The following LRCH2 variants were observed in gnomAD, a reference collection of about 807,000 sequenced individuals.
LRCH2 encodes leucine rich repeats and calponin homology domain containing 2, also known as leucine-rich repeat and calponin homology domain-containing protein 2.
A neutral mutation model predicts 68.9 loss-of-function variants in LRCH2; 38 were observed. The observed-to-expected ratio is 0.55, with a 90% CI of 0.43 to 0.72. The LOEUF is 0.72. Among genes scored for constraint, LRCH2 ranks in the 30% least tolerant of loss-of-function variants. The probability of loss-of-function intolerance (pLI) is 0.00; values close to 1 mark genes in which losing one functional copy is unlikely to be tolerated. For synonymous variants in LRCH2, 191 were observed against 208.1 expected, an observed-to-expected ratio of 0.92 and a Z score of 0.71; for missense variants, 528 against 572.9, an observed-to-expected ratio of 0.92 and a Z score of 0.80.
chrX:115,190,738 G>A (rs2072794757), intron 1 of LRCH2: 21 of 1,164,616 alleles, frequency 1.8e-5, no homozygotes, highest in Non-Finnish European at 2.4e-5. Flanking sequence ...CTCACACGAG[G>A]CCCGCAGCGG....
chrX:115,213,887 C>A (rs782717162), intron 1 of LRCH2, among the ~76,000 whole-genome samples: 4 of 111,636 alleles, frequency 3.6e-5, no homozygotes, highest in African/African-American at 1.3e-4. Context: ...CTGCAACAAC[C>A]TAAAATCCCT....
chrX:115,205,699 G>A lies in LRCH2; in HGVS notation c.350-17329C>T, dbSNP rs192648478. On this transcript the variant is annotated intron_variant, in intron 1 of 20. Transcript: ENST00000317135. Reference sequence around the variant, plus strand: ...CACGCCTGTAATCCCAGCACTTTGGGAGGCCGAGGCAGGTGAATCACAAGG... The same window carrying A: ...CACGCCTGTAATCCCAGCACTTTGGAAGGCCGAGGCAGGTGAATCACAAGG... Among the ~76,000 whole-genome samples, 690 of 111,732 alleles carry A rather than the reference G, an allele frequency of 6.2e-3. 5 individuals carry two copies. Among genetic ancestry groups the A allele is most frequent in the Non-Finnish European group, 9.5e-3 (503 of 53,178 alleles).
At chrX:115,113,756 T>C (rs1437900471) in intron 20 of LRCH2, among the ~76,000 whole-genome samples, 1 of 111,568 alleles carries the variant, frequency 9.0e-6, no homozygotes, top group Non-Finnish European at 1.9e-5. Context: ...TGCTCAGTCA[T>C]ATTATGCCTT....
intron 14 of LRCH2, among the ~76,000 whole-genome samples, chrX:115,143,296 G>A (rs1294216806): frequency 9.0e-6 from 1 of 111,264 alleles, no homozygotes; most frequent in Non-Finnish European, 1.9e-5. Flanking sequence ...TGAAAAAGGA[G>A]ACATTACAAC....
At chrX:115,221,910 G>A (rs56287268) in intron 1 of LRCH2, among the ~76,000 whole-genome samples, 4,873 of 107,041 alleles carry the variant, frequency 0.046, 120 homozygotes, top group Non-Finnish European at 0.074. Context: ...AGTTCACAAG[G>A]TGGAAAGCCA....
chrX:115,116,976 T>C (rs1267435865), intron 20 of LRCH2, among the ~76,000 whole-genome samples: 1 of 111,196 alleles, frequency 9.0e-6, no homozygotes, highest in Non-Finnish European at 1.9e-5. Context: ...CTAAGGACAA[T>C]GAAAGGACAA....
At chrX:115,136,280 A>G (rs1230024501) in intron 14 of LRCH2, among the ~76,000 whole-genome samples, 3 of 110,436 alleles carry the variant, frequency 2.7e-5, no homozygotes, top group African/African-American at 9.9e-5. Context: ...TGGTTCCAAG[A>G]CCCCTACCCC....
chrX:115,185,602 A>G (rs2072725568), intron 2 of LRCH2, among the ~76,000 whole-genome samples: 2 of 88,046 alleles, frequency 2.3e-5, no homozygotes, highest in Admixed American at 1.4e-4. Flanking sequence ...CACAGCAACA[A>G]AAGTCCAGTG....
At chrX:115,175,353 A>G (rs2072638764) in intron 5 of LRCH2, among the ~76,000 whole-genome samples, 2 of 111,463 alleles carry the variant, frequency 1.8e-5, no homozygotes, top group South Asian at 7.7e-4. Context: ...ATAAAGCCTA[A>G]TCTAACCTTC....
chrX:115,191,908 G>A (rs965109446), intron 1 of LRCH2: 1 of 1,166,554 alleles, frequency 8.6e-7, no homozygotes. Flanking sequence ...GGAGAACCGA[G>A]GTCACTCTCT....
intron 14 of LRCH2, among the ~76,000 whole-genome samples, chrX:115,133,543 T>C (rs782177197): frequency 8.9e-6 from 1 of 112,228 alleles, no homozygotes; most frequent in Admixed American, 9.5e-5. Context: ...AGCAAGTCTA[T>C]TGGTGTCATT....
At chrX:115,218,208 A>C (rs999658714) in intron 1 of LRCH2, among the ~76,000 whole-genome samples, 32 of 112,069 alleles carry the variant, frequency 2.9e-4, no homozygotes, top group African/African-American at 9.4e-4. Flanking sequence ...TTTAAACCAA[A>C]AAAAACCCCT....
intron 5 of LRCH2, among the ~76,000 whole-genome samples, chrX:115,178,524 T>C (rs889840250): frequency 1.8e-5 from 2 of 111,203 alleles, no homozygotes; most frequent in Non-Finnish European, 3.8e-5. Context: ...AATCCCTATA[T>C]TCAGAGTTAC....
At chrX:115,163,824 A>G (rs782667521) in intron 10 of LRCH2, 41 bp from the exon 11 acceptor site, 2 of 986,216 alleles carry the variant, frequency 2.0e-6, no homozygotes, top group South Asian at 4.7e-5. Context: ...AAAGTAAGGC[A>G]GACTACATTT....
Position 115,123,139 on chromosome X carries a change from T to C in LRCH2, c.1903A>G (p.Met635Val). Reference protein sequence around the residue: ...EYGAADPGFTMRRKMEHLREE... With the variant: ...EYGAADPGFTVRRKMEHLREE... ...CGTAAATGTTCCATCTTTCTTCTCA[T>C]TGTAAATCCTGGATCTGCTGCCCCA... The change falls in exon 18 of 21, where the codon ATG (methionine) becomes GTG (valine). Residue 635 changes from methionine (M) to valine (V), a missense_variant. Coordinates refer to ENST00000317135, the MANE Select transcript of LRCH2 (RefSeq NM_020871.4). The C allele has an allele frequency of 8.3e-7, 1 of 1,210,753 alleles. No individual in the cohort carries two copies. The highest frequency in any genetic ancestry group is 1.1e-6 in the Non-Finnish European group (1 of 895,077).
chrX:115,145,442 A>G (rs781833756), intron 14 of LRCH2, among the ~76,000 whole-genome samples: 2 of 111,451 alleles, frequency 1.8e-5, no homozygotes, highest in East Asian at 5.7e-4. Flanking sequence ...ACATGGAGAA[A>G]TGGGATCACA....
At chrX:115,189,687 C>T in intron 1 of LRCH2, 1 of 1,168,206 alleles carries the variant, frequency 8.6e-7, no homozygotes, top group African/African-American at 1.8e-5. Context: ...TCATGGTGGC[C>T]CAGACCATCA....
At chrX:115,197,268 A>G (rs1410320358) in intron 1 of LRCH2, among the ~76,000 whole-genome samples, 1 of 111,542 alleles carries the variant, frequency 9.0e-6, no homozygotes, top group African/African-American at 3.3e-5. Flanking sequence ...AATGAATGTA[A>G]TAATTCTCCA....
chrX:115,216,404 C>A (rs1296300094), intron 1 of LRCH2, among the ~76,000 whole-genome samples: 1 of 111,742 alleles, frequency 8.9e-6, no homozygotes, highest in African/African-American at 3.3e-5. Flanking sequence ...TTCTATTTTC[C>A]AAATGTTCTA....
Sources: allele counts gnomAD v4.1 joint callset (sites outside exome capture counted in the v4.1 genomes callset), GRCh38; gene constraint gnomAD v4.1.1; transcripts MANE v1.5; gene names NCBI Gene and HGNC (gene_info 2026-07-23, HGNC 2026-07-21).